Variants in PDS5A observed in about 807,000 individuals in gnomAD.
The protein encoded by PDS5A is PDS5 cohesin associated factor A.
A neutral mutation model predicts 167.1 loss-of-function variants in PDS5A; 42 were observed. That is an observed-to-expected ratio of 0.25 (90% CI 0.20 to 0.33). PDS5A has a LOEUF of 0.33. Ranked by LOEUF, PDS5A falls within the 10% of genes least tolerant of loss-of-function variation. The pLI, the probability that PDS5A is intolerant of heterozygous loss-of-function variation, is 1.00. For synonymous variants in PDS5A, 553 were observed against 554.6 expected, an observed-to-expected ratio of 1.00 and a Z score of 0.04; for missense variants, 1,033 against 1,605.9, an observed-to-expected ratio of 0.64 and a Z score of 6.10.
At chr4:39,903,304 AT>A (rs1723035441) in intron 12 of PDS5A, among the ~76,000 whole-genome samples, 1 of 152,222 alleles carries the variant, frequency 6.6e-6, no homozygotes, top group Non-Finnish European at 1.5e-5. Context: ...CCTTACCAAT[AT>A]TGGAATATCC....
chr4:39,846,850 G>GT, intron 28 of PDS5A: 1 of 152,190 alleles, frequency 6.6e-6, no homozygotes, highest in Non-Finnish European at 1.5e-5. Context: ...GGAAATCACA[G>GT]TTTTGTCATG....
At chr4:39,926,489 G>A (rs181956690) in intron 4 of PDS5A, among the ~76,000 whole-genome samples, 63 of 146,478 alleles carry the variant, frequency 4.3e-4, no homozygotes, top group African/African-American at 1.5e-3. Context: ...TTGCACTCCA[G>A]TCTTGGCAAC....
intron 26 of PDS5A, among the ~76,000 whole-genome samples, chr4:39,860,222 G>C (rs963614888): frequency 2.0e-5 from 3 of 151,826 alleles, no homozygotes; most frequent in African/African-American, 7.3e-5. Context: ...CCAGCACTTC[G>C]GAAGGCCCAG....
At chr4:39,961,156 T>G (rs921012162) in intron 2 of PDS5A, among the ~76,000 whole-genome samples, 12 of 152,122 alleles carry the variant, frequency 7.9e-5, no homozygotes, top group Non-Finnish European at 1.6e-4. Context: ...CTATCAGGAT[T>G]TCATATATTG....
At chr4:39,930,246 A>AAAAAAAAAAAAAAAAAATTTTTTT in intron 2 of PDS5A, among the ~76,000 whole-genome samples, 2 of 93,090 alleles carry the variant, frequency 2.1e-5, no homozygotes, top group Non-Finnish European at 4.5e-5. Context: ...AAAAAAAAAA[A>AAAAAAAAAAAAAAAAAATTTTTTT]GTTTTTTTGT....
chr4:39,862,770 T>C, intron 25 of PDS5A, 99 bp downstream of exon 25: 1 of 720,770 alleles, frequency 1.4e-6, no homozygotes, highest in Non-Finnish European at 2.3e-6. Flanking sequence ...CCCAGTTTTA[T>C]TATAAACTAT....
intron 13 of PDS5A, 131 bp downstream of exon 13, chr4:39,902,212 TATAA>T: frequency 1.8e-6 from 1 of 542,606 alleles, no homozygotes; most frequent in Non-Finnish European, 3.3e-6. Context: ...ACATTTTGTC[TATAA>T]ATATTTACCT....
At chr4:39,890,170 A>G in intron 17 of PDS5A, 79 bp downstream of exon 17, 3 of 767,576 alleles carry the variant, frequency 3.9e-6, no homozygotes, top group Non-Finnish European at 6.5e-6. Context: ...AGGTATCTTT[A>G]GGAGCCCAGA....
chr4:39,852,357 T>C (rs1048337208), intron 26 of PDS5A, among the ~76,000 whole-genome samples: 3 of 152,186 alleles, frequency 2.0e-5, no homozygotes, highest in Admixed American at 6.5e-5. Context: ...CCAAGAAATG[T>C]AATCATTAAT....
At chr4:39,964,612 G>A (rs1028911322) in intron 2 of PDS5A, among the ~76,000 whole-genome samples, 15 of 152,316 alleles carry the variant, frequency 9.8e-5, no homozygotes, top group South Asian at 6.2e-4. Flanking sequence ...CAAGACAAGA[G>A]GATCACTTGA....
At chr4:39,859,781 T>C (rs1461644860) in intron 26 of PDS5A, among the ~76,000 whole-genome samples, 1 of 152,160 alleles carries the variant, frequency 6.6e-6, no homozygotes, top group African/African-American at 2.4e-5. Context: ...CCCACTCCAG[T>C]CCTGTCCCAT....
At chr4:39,934,481 C>A (rs1290878117) in intron 2 of PDS5A, among the ~76,000 whole-genome samples, 1 of 152,088 alleles carries the variant, frequency 6.6e-6, no homozygotes, top group African/African-American at 2.4e-5. Flanking sequence ...TCTCTTCTTA[C>A]CTCATCTAAT....
intron 2 of PDS5A, among the ~76,000 whole-genome samples, chr4:39,949,821 G>A (rs867198707): frequency 6.0e-4 from 40 of 67,192 alleles, no homozygotes; most frequent in South Asian, 2.6e-3. Context: ...CTCTGTCTCA[G>A]AAAAAAAAAA....
At chr4:39,844,075 A>T (rs865897560) in intron 30 of PDS5A, among the ~76,000 whole-genome samples, 2 of 152,250 alleles carry the variant, frequency 1.3e-5, no homozygotes, top group Middle Eastern at 6.8e-3. Context: ...CCTAGAGCCC[A>T]GGAGTCTGAG....
At chr4:39,949,425 G>A (rs1728111111) in intron 2 of PDS5A, among the ~76,000 whole-genome samples, 1 of 152,026 alleles carries the variant, frequency 6.6e-6, no homozygotes, top group Non-Finnish European at 1.5e-5. Context: ...CCAGATCGGG[G>A]AAATGTACAT....
intron 2 of PDS5A, among the ~76,000 whole-genome samples, chr4:39,938,827 G>C (rs1726924062): frequency 6.6e-6 from 1 of 151,082 alleles, no homozygotes; most frequent in Non-Finnish European, 1.5e-5. Flanking sequence ...AAAATTAGCT[G>C]GGCGTGGTGG....
At chr4:39,918,809 C>A (rs1578741394) in intron 7 of PDS5A, among the ~76,000 whole-genome samples, 1 of 152,196 alleles carries the variant, frequency 6.6e-6, no homozygotes, top group East Asian at 1.9e-4. Flanking sequence ...GCTGAAATCG[C>A]ACCACTACAC....
intron 17 of PDS5A, among the ~76,000 whole-genome samples, chr4:39,886,776 T>G (rs578232870): frequency 6.6e-6 from 1 of 152,274 alleles, no homozygotes; most frequent in East Asian, 1.9e-4. Flanking sequence ...TTTCCATTTT[T>G]TGTGTGTTTC....
rs571756027 is a variant in PDS5A, at chr4:39,977,085, C to A, written c.-41+372G>T. The stretch of plus-strand genomic sequence containing the variant: ...GCGGACCCACGCGCAGCGGCGGCTG[C>A]CGGGAACAAAACGCCCTTGCCCAGC... On this transcript the variant is annotated intron_variant, in intron 1 of 32. Coordinates refer to ENST00000303538, the MANE Select transcript of PDS5A (RefSeq NM_001100399.2). This position sits in a 1 kb window ranked among gnomAD's most constrained non-coding sequence, Gnocchi z 4.2. 9.8e-5 allele frequency among the ~76,000 whole-genome samples: 15 copies of A among 152,300 alleles called. No individual in the cohort carries two copies. The highest frequency in any genetic ancestry group is 2.2e-4 in the Non-Finnish European group (15 of 68,018).
Sources: allele counts gnomAD v4.1 joint callset (sites outside exome capture counted in the v4.1 genomes callset), GRCh38; gene constraint gnomAD v4.1.1; non-coding constraint Gnocchi (gnomAD v3.1); transcripts MANE v1.5; gene names NCBI Gene and HGNC (gene_info 2026-07-23, HGNC 2026-07-21).